The following PRMT3 variants were observed in gnomAD, a reference collection of about 807,000 sequenced individuals.
PRMT3 encodes the protein protein arginine methyltransferase 3, also known as protein arginine N-methyltransferase 3.
A neutral mutation model predicts 71.9 loss-of-function variants in PRMT3; 62 were observed. That is an observed-to-expected ratio of 0.86 (90% confidence interval 0.70 to 1.07). PRMT3 has a LOEUF of 1.07. PRMT3 is among the 50% of genes least tolerant of loss of function. The pLI, the probability that PRMT3 is intolerant of heterozygous loss-of-function variation, is 0.00. For synonymous variants in PRMT3, 213 were observed against 220.4 expected (o/e 0.97, Z 0.30); for missense variants, 663 against 643.0 (o/e 1.03, Z -0.34).
intron 9 of PRMT3, among the ~76,000 whole-genome samples, chr11:20,413,738 A>G (rs1043835420): frequency 7.2e-5 from 11 of 152,136 alleles, no homozygotes; most frequent in African/African-American, 2.2e-4. Flanking sequence ...TTATACCATA[A>G]AACTTCAAGC....
chr11:20,503,165 T>G (rs1223670727), intron 15 of PRMT3, among the ~76,000 whole-genome samples: 5 of 152,170 alleles, frequency 3.3e-5, no homozygotes, highest in African/African-American at 7.2e-5. Context: ...TTTTCATTTT[T>G]TATAGTCACA....
At chr11:20,416,651 A>G (rs1849311880) in intron 9 of PRMT3, among the ~76,000 whole-genome samples, 1 of 152,072 alleles carries the variant, frequency 6.6e-6, no homozygotes, top group Admixed American at 6.6e-5. Flanking sequence ...CTATTTTTAT[A>G]TTTTTTCACT....
intron 10 of PRMT3, among the ~76,000 whole-genome samples, chr11:20,428,420 A>G (rs1849590917): frequency 6.6e-6 from 1 of 152,194 alleles, no homozygotes; most frequent in Non-Finnish European, 1.5e-5. Context: ...ATTATTATAT[A>G]TCTGATTACA....
intron 13 of PRMT3, among the ~76,000 whole-genome samples, chr11:20,491,357 A>G (rs1321424516): frequency 2.0e-5 from 3 of 152,006 alleles, no homozygotes; most frequent in Admixed American, 6.6e-5. Context: ...GAGTTGTTCA[A>G]TTTTCCTGAT....
intron 10 of PRMT3, among the ~76,000 whole-genome samples, chr11:20,437,998 A>G (rs1368564867): frequency 1.3e-5 from 2 of 152,118 alleles, no homozygotes; most frequent in African/African-American, 4.8e-5. Context: ...TAGGTCTGAC[A>G]TGGTCTACAA....
At chr11:20,393,617 T>C (rs1848764015) in intron 5 of PRMT3, among the ~76,000 whole-genome samples, 1 of 152,242 alleles carries the variant, frequency 6.6e-6, no homozygotes, top group African/African-American at 2.4e-5. Context: ...GATGTTCATC[T>C]TTCTGAATAT....
chr11:20,441,895 T>C (rs968053695), intron 10 of PRMT3, among the ~76,000 whole-genome samples: 1 of 150,064 alleles, frequency 6.7e-6, no homozygotes, highest in African/African-American at 2.5e-5. Context: ...CAGGTTCCAG[T>C]GATTCTCCTG....
At chr11:20,407,454 A>C (rs1013587912) in intron 8 of PRMT3, 1 of 157,612 alleles carries the variant, frequency 6.3e-6, no homozygotes, top group African/African-American at 2.4e-5. Context: ...GCAGTGATGT[A>C]TACAGATTGC....
intron 13 of PRMT3, 46 bp downstream of exon 13, chr11:20,464,592 T>C (rs1850465318): frequency 6.2e-7 from 1 of 1,602,114 alleles, no homozygotes; most frequent in Non-Finnish European, 8.5e-7. Context: ...AGCAGTGCAG[T>C]TGATTGGCAG....
At chr11:20,403,265 C>T (rs1354267814) in intron 8 of PRMT3, among the ~76,000 whole-genome samples, 1 of 152,100 alleles carries the variant, frequency 6.6e-6, no homozygotes, top group Non-Finnish European at 1.5e-5. Context: ...GATAATTTTG[C>T]TTAAACCATA....
intron 11 of PRMT3, among the ~76,000 whole-genome samples, chr11:20,461,165 G>A (rs575312719): frequency 3.1e-4 from 47 of 152,182 alleles, no homozygotes; most frequent in African/African-American, 1.1e-3. Flanking sequence ...CAATTAGATT[G>A]TATATGGGCC....
chr11:20,388,199 C>T, intron 2 of PRMT3, 45 bp downstream of exon 2: 2 of 1,609,156 alleles, frequency 1.2e-6, no homozygotes, highest in South Asian at 1.1e-5. Flanking sequence ...GGTGCCCGGG[C>T]GCGTGGGGTC....
At chr11:20,403,829 G>A (rs1256438915) in intron 8 of PRMT3, among the ~76,000 whole-genome samples, 2 of 151,754 alleles carry the variant, frequency 1.3e-5, no homozygotes, top group African/African-American at 2.4e-5. Flanking sequence ...GTTATAATTC[G>A]GCTTTCATCT....
intron 11 of PRMT3, 91 bp from the exon 12 acceptor site, chr11:20,461,889 T>C: frequency 8.8e-7 from 1 of 1,142,730 alleles, no homozygotes; most frequent in South Asian, 2.5e-5. Flanking sequence ...TCCTTACTGA[T>C]GGATTTGATA....
chr11:20,493,963 C>A lies in PRMT3; in HGVS notation c.1392C>A (p.His464Gln), dbSNP rs1273846515. Reference sequence around the variant, plus strand: ...ATATATATTTTGAGAAGAATTGCCACAACAGGGTAAGTATCATGAATTATC... The same window carrying A: ...ATATATATTTTGAGAAGAATTGCCAAAACAGGGTAAGTATCATGAATTATC... ...YFDIYFEKNC[H>Q]NRVVFSTGPQ... The change falls in exon 14 of 16, where the codon CAC becomes CAA. Residue 464 changes from histidine to glutamine, a missense_variant. Transcript: ENST00000331079. 1 of 1,588,932 alleles carries A rather than the reference C, an allele frequency of 6.3e-7. No homozygotes were observed. The highest frequency in any genetic ancestry group is 8.6e-7 in the Non-Finnish European group (1 of 1,162,200).
At chr11:20,503,599 A>C (rs959668312) in intron 15 of PRMT3, among the ~76,000 whole-genome samples, 1 of 151,662 alleles carries the variant, frequency 6.6e-6, no homozygotes, top group Non-Finnish European at 1.5e-5. Flanking sequence ...TATCAATGGA[A>C]TTATACAGCA....
At chr11:20,425,682 ACT>A (rs1482531967) in intron 9 of PRMT3, among the ~76,000 whole-genome samples, 5 of 152,148 alleles carry the variant, frequency 3.3e-5, no homozygotes, top group African/African-American at 7.2e-5. Context: ...TTAGTATGAA[ACT>A]CTGTCTGTAA....
intron 9 of PRMT3, among the ~76,000 whole-genome samples, chr11:20,416,670 A>C (rs1849312180): frequency 6.6e-6 from 1 of 152,134 alleles, no homozygotes; most frequent in Non-Finnish European, 1.5e-5. Flanking sequence ...CTTTATTAGA[A>C]CTGAGTTATT....
chr11:20,397,509 C>T (rs1848851359), intron 6 of PRMT3, 68 bp from the exon 7 acceptor site: 1 of 1,527,216 alleles, frequency 6.5e-7, no homozygotes, highest in East Asian at 2.3e-5. Flanking sequence ...TCTTCCTCAA[C>T]CTCTAGCCTT....
Sources: gnomAD v4.1 joint callset for allele counts (sites outside exome capture counted in the v4.1 genomes callset) on GRCh38, gnomAD v4.1.1 for gene constraint, MANE v1.5 for transcripts, NCBI Gene and HGNC (gene_info 2026-07-23, HGNC 2026-07-21) for gene names.